Variants in NID2 observed in about 807,000 individuals in gnomAD.
NID2 encodes the protein nidogen-2.
Under a neutral mutation model 145.4 loss-of-function variants are expected in NID2, and 83 were observed. The ratio of observed to expected loss-of-function variants is 0.57; its 90% confidence interval spans 0.48 to 0.69. The LOEUF (loss-of-function observed/expected upper bound fraction) is 0.69. Among genes scored for constraint, NID2 ranks in the 30% least tolerant of loss-of-function variants. The pLI is 0.00. For missense variants in NID2, 1,807 were observed against 1,765.7 expected (o/e 1.02, Z -0.42); for synonymous variants, 739 against 701.3 (o/e 1.05, Z -0.85).
chr14:52,039,769 C>A (rs1391750352), intron 8 of NID2, among the ~76,000 whole-genome samples: 1 of 152,164 alleles, frequency 6.6e-6, no homozygotes, highest in Non-Finnish European at 1.5e-5. Flanking sequence ...ACACATTGAT[C>A]ACATAATATA....
At chr14:52,023,771 C>T (rs1891482784) in intron 12 of NID2, among the ~76,000 whole-genome samples, 1 of 152,226 alleles carries the variant, frequency 6.6e-6, no homozygotes, top group Non-Finnish European at 1.5e-5. Flanking sequence ...GGATTTAACT[C>T]TACTTGGATA....
intron 2 of NID2, among the ~76,000 whole-genome samples, chr14:52,066,373 C>T (rs1893217469): frequency 6.6e-6 from 1 of 150,692 alleles, no homozygotes; most frequent in South Asian, 2.1e-4. Flanking sequence ...GATAGCACAA[C>T]AGGGTGACTA....
rs768413460 is a variant in NID2, at chr14:52,019,203, T to C, written c.2886A>G (p.Gln962=). The change falls in exon 14 of 22, where the codon CAA becomes CAG. Residue 962 remains glutamine (Q), a synonymous_variant. Transcript: ENST00000216286. The part of the protein sequence containing the change: ...AYPGARFHIP[Q]CDEQGNFLPL... The stretch of plus-strand genomic sequence containing the variant: ...GCAGGAAGTTGCCCTGCTCGTCGCA[T>C]TGGGGGATGTGGAACCGGGCCCCAG... The C allele has an allele frequency of 2.2e-5, 36 of 1,613,646 alleles. No individual in the cohort carries two copies. Among genetic ancestry groups the C allele is most frequent in the African/African-American group, 1.7e-4 (13 of 74,886 alleles).
chr14:52,021,342 G>A (rs1891396409), intron 12 of NID2, among the ~76,000 whole-genome samples: 1 of 152,130 alleles, frequency 6.6e-6, no homozygotes, highest in African/African-American at 2.4e-5. Flanking sequence ...GATATTTGAA[G>A]CCCTAAATTT....
At chr14:52,056,466 G>C (rs1892848017) in intron 3 of NID2, among the ~76,000 whole-genome samples, 1 of 152,116 alleles carries the variant, frequency 6.6e-6, no homozygotes, top group African/African-American at 2.4e-5. Flanking sequence ...TCCTCCCTGG[G>C]TTGTTAGGAG....
intron 12 of NID2, among the ~76,000 whole-genome samples, chr14:52,024,655 T>A (rs962718437): frequency 6.6e-6 from 1 of 152,184 alleles, no homozygotes; most frequent in Admixed American, 6.5e-5. Context: ...CAGCAATAGA[T>A]AACCAATACA....
intron 12 of NID2, among the ~76,000 whole-genome samples, chr14:52,025,665 T>A (rs1051271469): frequency 1.3e-5 from 2 of 152,158 alleles, no homozygotes; most frequent in Non-Finnish European, 2.9e-5. Flanking sequence ...GGACATCACA[T>A]GGTGAGGGGG....
chr14:52,060,483 G>T, intron 2 of NID2, 127 bp from the exon 3 acceptor site: 1 of 479,318 alleles, frequency 2.1e-6, no homozygotes, highest in Non-Finnish European at 3.5e-6. Context: ...CCCTTTTTCA[G>T]GATTCCTCCA....
intron 9 of NID2, among the ~76,000 whole-genome samples, chr14:52,030,647 A>T (rs1351530781): frequency 6.6e-6 from 1 of 151,330 alleles, no homozygotes; most frequent in Non-Finnish European, 1.5e-5. Flanking sequence ...AGAAAGAAAA[A>T]GAGAAAGAAA....
chr14:52,017,833 C>CAAA lies in NID2; in HGVS notation c.3028+1225_3028+1227dup, dbSNP rs149646584. On this transcript the variant is annotated intron_variant, in intron 14 of 21. Coordinates refer to ENST00000216286, the MANE Select transcript of NID2 (RefSeq NM_007361.4). ...AAGACCTGACCTTTTTTTAAAAAAA[C>CAAA]AAAAAAAACAGAGTCTCACTCTGTT... is the stretch of plus-strand genomic sequence containing the variant. Among the ~76,000 whole-genome samples, 123 of 151,256 alleles carry CAAA rather than the reference C, an allele frequency of 8.1e-4. 1 individual carries two copies. Among genetic ancestry groups the CAAA allele is most frequent in the Non-Finnish European group, 1.3e-3 (90 of 67,788 alleles).
chr14:52,011,046 A>G lies in NID2; in HGVS notation c.3552T>C (p.Gly1184=). The G allele has an allele frequency of 6.2e-7, 1 of 1,612,422 alleles. No individual in the cohort carries two copies. The change falls in exon 18 of 22, where the codon GGT becomes GGC. Residue 1184 remains glycine (G), a splice_region_variant and synonymous_variant. Transcript: ENST00000216286. The part of the protein sequence containing the change: ...GAEPETIVNS[G]LISPEGLAID... ...TGGCAAGTCCTTCAGGGCTTATCAG[A>G]CCTGGAAATAAAGCAAAGTCAGGAC...
chr14:52,027,633 T>TACACACACACACAC lies in NID2; in HGVS notation c.2531-303_2531-290dup, dbSNP rs59049676. ...GTTTATAACACTCCAGAGCAATTGCTACACACACACACACACACACACACA... is the reference window on the plus strand; with the variant it reads ...GTTTATAACACTCCAGAGCAATTGCTACACACACACACACACACACACACACACACACACACACA... On this transcript the variant is annotated intron_variant, in intron 11 of 21. Coordinates refer to ENST00000216286, the MANE Select transcript of NID2 (RefSeq NM_007361.4). Among the ~76,000 whole-genome samples the TACACACACACACAC allele has an allele frequency of 6.2e-3, 894 of 144,226 alleles. 31 individuals are homozygous for TACACACACACACAC. Among genetic ancestry groups the TACACACACACACAC allele is most frequent in the Admixed American group, 0.039 (562 of 14,464 alleles). 94.6% of individuals were successfully genotyped at this position (144,226 alleles called of 152,430 possible). A position where few individuals can be genotyped will look rare whatever the true frequency, so the allele number is the denominator to read the frequency against.
intron 12 of NID2, among the ~76,000 whole-genome samples, chr14:52,022,701 A>G (rs1891445480): frequency 6.6e-6 from 1 of 152,210 alleles, no homozygotes; most frequent in Non-Finnish European, 1.5e-5. Context: ...ACCTGTTTGG[A>G]AAATGTGTTA....
intron 11 of NID2, chr14:52,028,474 C>G (rs1891674902): frequency 3.2e-6 from 1 of 310,732 alleles, no homozygotes; most frequent in Admixed American, 4.9e-5. Context: ...CGGGGTTTTG[C>G]TATGTTGCCC....
rs200814319 is a variant in NID2 at position 52,014,443 on chromosome 14, G to A, written c.3264C>T (p.Val1088=). Residue 1088 remains valine (V), a synonymous_variant, in exon 16 of 22, where the codon GTC becomes GTT. Coordinates refer to ENST00000216286, the MANE Select transcript of NID2 (RefSeq NM_007361.4). ...GCGTGGGCCGGACCATGGGTGGAGC[G>A]ACGGTGGGTATACCTGTGGGAGAGA... ...PGTTPACIPT[V]APPMVRPTPR... is the part of the protein sequence containing the mutation. The A allele has an allele frequency of 2.8e-5, 45 of 1,610,804 alleles. No homozygotes were observed. Among genetic ancestry groups the A allele is most frequent in the African/African-American group, 9.3e-5 (7 of 75,034 alleles).
intron 9 of NID2, among the ~76,000 whole-genome samples, chr14:52,032,783 C>T (rs1205301857): frequency 7.5e-6 from 1 of 132,966 alleles, no homozygotes; most frequent in Non-Finnish European, 1.6e-5. Flanking sequence ...CAAGAGCTTA[C>T]CACCCTGCTA....
At chr14:52,026,052 C>G (rs1038249232) in intron 12 of NID2, among the ~76,000 whole-genome samples, 5 of 152,310 alleles carry the variant, frequency 3.3e-5, no homozygotes, top group African/African-American at 1.2e-4. Context: ...TCAGAAACCA[C>G]CATGTGCACT....
At chr14:52,027,132 C>G (rs1333949702) in intron 12 of NID2, 69 bp downstream of exon 12, 6 of 1,362,106 alleles carry the variant, frequency 4.4e-6, no homozygotes, top group East Asian at 5.6e-5. Flanking sequence ...TCTGGGAGAG[C>G]TCCATCTATG....
chr14:52,018,923 C>G, intron 14 of NID2, 138 bp downstream of exon 14: 1 of 638,704 alleles, frequency 1.6e-6, no homozygotes, highest in Non-Finnish European at 2.8e-6. Context: ...TTTGTACGCA[C>G]TATTATTCAA....
Sources: allele counts gnomAD v4.1 joint callset (sites outside exome capture counted in the v4.1 genomes callset), GRCh38; gene constraint gnomAD v4.1.1; transcripts MANE v1.5; gene names NCBI Gene and HGNC (gene_info 2026-07-23, HGNC 2026-07-21).